PLS1: variants seen among roughly 807,000 people sequenced by gnomAD.
The protein encoded by PLS1 is plastin 1.
Under a neutral mutation model 73.7 loss-of-function variants are expected in PLS1, and 32 were observed. The ratio of observed to expected loss-of-function variants is 0.43; its 90% CI spans 0.33 to 0.58. The LOEUF is 0.58. PLS1 is among the 20% of genes least tolerant of loss of function. PLS1 has a pLI of 0.04. For synonymous variants in PLS1, 217 were observed against 261.3 expected (o/e 0.83, Z 1.63); for missense variants, 633 against 740.5 (o/e 0.85, Z 1.68).
At chr3:142,638,066 T>TCG (rs2036737083) in intron 1 of PLS1, among the ~76,000 whole-genome samples, 1 of 152,074 alleles carries the variant, frequency 6.6e-6, no homozygotes, top group Non-Finnish European at 1.5e-5. Context: ...AACATACCTG[T>TCG]CTATCTGCTC....
chr3:142,646,414 G>A (rs559735980), intron 1 of PLS1, among the ~76,000 whole-genome samples: 2 of 152,286 alleles, frequency 1.3e-5, no homozygotes, highest in South Asian at 2.1e-4. Flanking sequence ...TTCTTAGGAC[G>A]GCATGCTTGC....
intron 4 of PLS1, 50 bp from the exon 5 acceptor site, chr3:142,676,107 C>T: frequency 6.5e-7 from 1 of 1,529,764 alleles, no homozygotes; most frequent in Non-Finnish European, 9.0e-7. Context: ...TTTTATAGTG[C>T]AATAAAGTTT....
chr3:142,649,797 G>A (rs573436689), intron 1 of PLS1, among the ~76,000 whole-genome samples: 4 of 152,022 alleles, frequency 2.6e-5, no homozygotes, highest in African/African-American at 9.6e-5. Context: ...TGACTTCTGT[G>A]GTTCACTGAT....
chr3:142,635,190 CAG>C (rs1263244058), intron 1 of PLS1, among the ~76,000 whole-genome samples: 2 of 151,002 alleles, frequency 1.3e-5, no homozygotes, highest in African/African-American at 2.4e-5. Flanking sequence ...CTAAAAATGA[CAG>C]AGAATTATAA....
Position 142,667,392 on chromosome 3 carries a change from C to T in PLS1, c.71-1998C>T, listed in dbSNP as rs138758845. Among the ~76,000 whole-genome samples the T allele has an allele frequency of 5.1e-3, 774 of 151,910 alleles. 7 individuals are homozygous for T. Among genetic ancestry groups the T allele is most frequent in the African/African-American group, 0.018 (751 of 41,418 alleles). ...ATTGCACCACTGCACTCCAGCCTGG[C>T]GACATAGCGAGACTCCGACTCAAAA... On this transcript the variant is annotated intron_variant, in intron 2 of 15. Coordinates refer to ENST00000457734, the MANE Select transcript of PLS1 (RefSeq NM_001145319.2).
chr3:142,684,761 C>T (rs2037928389), intron 8 of PLS1, among the ~76,000 whole-genome samples: 1 of 152,164 alleles, frequency 6.6e-6, no homozygotes, highest in Non-Finnish European at 1.5e-5. Flanking sequence ...CACTCTTACT[C>T]CCACTTTGCC....
chr3:142,610,802 A>T (rs2036108108), intron 1 of PLS1, among the ~76,000 whole-genome samples: 1 of 152,148 alleles, frequency 6.6e-6, no homozygotes, highest in East Asian at 1.9e-4. Context: ...TTTACCACAT[A>T]TGAGGAGCCC....
At chr3:142,630,774 TCAAG>T (rs1560038876) in intron 1 of PLS1, among the ~76,000 whole-genome samples, 2 of 151,350 alleles carry the variant, frequency 1.3e-5, no homozygotes, top group Non-Finnish European at 2.9e-5. Context: ...AAAGAAAATC[TCAAG>T]CAACCTTGAA....
chr3:142,628,233 CA>C (rs1369548161), intron 1 of PLS1, among the ~76,000 whole-genome samples: 2 of 152,112 alleles, frequency 1.3e-5, no homozygotes, highest in Admixed American at 6.6e-5. Context: ...CCAGCTTTGA[CA>C]CTTACTAGTG....
In PLS1 at chr3:142,664,026, A is replaced by G. The variant is rs191872429; in HGVS notation, c.-36-176A>G. On this transcript the variant is annotated intron_variant, in intron 1 of 15. Transcript: ENST00000457734. ...CTTCCCCTTACTGAGTCTCAGTTAT[A>G]GTTTGGCTGGCCTATGCTGAGAGAT... 8 of 322,278 alleles carry G rather than the reference A, an allele frequency of 2.5e-5. No homozygotes were observed. In the East Asian group the frequency reaches 3.9e-4, roughly 16 times the overall value. 20.0% of individuals were successfully genotyped at this position (322,278 alleles called of 1,614,324 possible).
intron 6 of PLS1, among the ~76,000 whole-genome samples, chr3:142,678,755 C>T (rs1289601063): frequency 6.6e-6 from 1 of 151,456 alleles, no homozygotes; most frequent in East Asian, 1.9e-4. Context: ...GTCTTTATAG[C>T]AGCATGATTT....
At chr3:142,618,706 G>T (rs1042087130) in intron 1 of PLS1, among the ~76,000 whole-genome samples, 3 of 152,072 alleles carry the variant, frequency 2.0e-5, no homozygotes, top group African/African-American at 7.2e-5. Context: ...AGCGACAGTC[G>T]GTAAAGCCCC....
intron 1 of PLS1, among the ~76,000 whole-genome samples, chr3:142,599,318 ATATTCTTTTTTT>A (rs1291514074): frequency 1.4e-4 from 19 of 131,468 alleles, no homozygotes; most frequent in Admixed American, 4.1e-4. Context: ...AGGGACTCAG[ATATTCTTTTTTT>A]TTTTTTTTTT....
At chr3:142,708,854 T>C (rs973733813) in intron 14 of PLS1, among the ~76,000 whole-genome samples, 1 of 152,210 alleles carries the variant, frequency 6.6e-6, no homozygotes, top group African/African-American at 2.4e-5. Context: ...GGCTATTTTC[T>C]TGGAAACAAG....
intron 1 of PLS1, among the ~76,000 whole-genome samples, chr3:142,614,089 C>T (rs574974987): frequency 1.3e-5 from 2 of 152,138 alleles, no homozygotes; most frequent in South Asian, 4.2e-4. Context: ...ATTTTGAGTC[C>T]CTTTACCATC....
chr3:142,710,940 A>G (rs761139317), intron 14 of PLS1, among the ~76,000 whole-genome samples: 5 of 152,168 alleles, frequency 3.3e-5, no homozygotes, highest in Non-Finnish European at 5.9e-5. Context: ...GGTTGTGTAA[A>G]CAAGTCATTT....
chr3:142,678,152 C>A (rs1315428618), intron 6 of PLS1, 39 bp downstream of exon 6: 2 of 975,270 alleles, frequency 2.1e-6, no homozygotes, highest in Non-Finnish European at 3.0e-6. Flanking sequence ...TGTTACTATG[C>A]TGAGAAATAT....
Position 142,617,146 on chromosome 3 carries a change from AT to A in PLS1, c.-37+20652del, listed in dbSNP as rs71871118. On this transcript the variant is annotated intron_variant, in intron 1 of 15. Transcript: ENST00000457734. ...TTTCTAAAATGTTGTGATTAGGAAG[AT>A]TTTTTTTTTTTTTTGCTTTAGCCAA... is the stretch of plus-strand genomic sequence containing the variant. Among the ~76,000 whole-genome samples the A allele has an allele frequency of 9.3e-3, 1,336 of 144,072 alleles. 2 individuals carry two copies. The highest frequency in any genetic ancestry group is 0.018 in the South Asian group (79 of 4,480). The allele number at this position is 144,072 out of a possible 152,430, so 94.5% of individuals were successfully genotyped here. A position where few individuals can be genotyped will look rare whatever the true frequency, so the allele number is the denominator to read the frequency against.
chr3:142,603,041 C>G (rs970011368), intron 1 of PLS1, among the ~76,000 whole-genome samples: 2 of 152,186 alleles, frequency 1.3e-5, no homozygotes, highest in Admixed American at 6.5e-5. Context: ...TTTACTCTGG[C>G]TGATGATGAA....
Sources: allele counts gnomAD v4.1 joint callset (sites outside exome capture counted in the v4.1 genomes callset), GRCh38; gene constraint gnomAD v4.1.1; transcripts MANE v1.5; gene names NCBI Gene and HGNC (gene_info 2026-07-23, HGNC 2026-07-21).